Variants in ZNF623 observed in about 807,000 individuals in gnomAD.
ZNF623 encodes zinc finger protein 623.
ZNF623 carries 16 observed loss-of-function variants against 24.0 expected under a neutral mutation model. The ratio of observed to expected loss-of-function variants is 0.67; its 90% CI spans 0.45 to 1.01. The LOEUF is 1.01. Among genes scored for constraint, ZNF623 ranks in the 50% least tolerant of loss-of-function variants. The pLI is 0.00. For missense variants in ZNF623, 566 were observed against 606.5 expected, an observed-to-expected ratio of 0.93 and a Z score of 0.70; for synonymous variants, 224 against 219.8, an observed-to-expected ratio of 1.02 and a Z score of -0.17.
At chr8:143,642,607 G>T (rs1158837402) in intron 1 of ZNF623, among the ~76,000 whole-genome samples, 1 of 152,212 alleles carries the variant, frequency 6.6e-6, no homozygotes, top group African/African-American at 2.4e-5. Context: ...TAAAGTGAGA[G>T]ATGTGGGATT....
Position 143,650,165 on chromosome 8 carries a change from C to A in ZNF623, c.173C>A (p.Thr58Asn), listed in dbSNP as rs1300450378. ...ACAGGAGAGACAGCTCAAGTGTGCA[C>A]CAAGTCAGGAAGAAACCATATTCTG... ...IQTGETAQVC[T>N]KSGRNHILNS... The change falls in exon 2 of 2, where the codon ACC (threonine) becomes AAC (asparagine). Residue 58 changes from threonine (T) to asparagine (N), a missense_variant. Transcript: ENST00000526926. The surrounding 1 kb of genome is among the most constrained non-coding windows in gnomAD (Gnocchi z 5.2). 6.2e-7 allele frequency: 1 copy of A among 1,614,210 alleles called. No individual in the cohort carries two copies. Among genetic ancestry groups the A allele is most frequent in the Non-Finnish European group, 8.5e-7 (1 of 1,180,048 alleles).
intron 1 of ZNF623, among the ~76,000 whole-genome samples, chr8:143,642,902 A>G (rs750535271): frequency 6.6e-6 from 1 of 152,100 alleles, no homozygotes; most frequent in Non-Finnish European, 1.5e-5. Flanking sequence ...CCCCTAATGT[A>G]CACACCCCTT....
intron 1 of ZNF623, among the ~76,000 whole-genome samples, chr8:143,641,453 T>TG (rs1224764709): frequency 0.021 from 68 of 3,204 alleles, 15 homozygotes; most frequent in Admixed American, 0.056. Context: ...TTTTTTTTTT[T>TG]TTTTTTTTTT....
At position 143,643,345 on chromosome 8, in the gene ZNF623, G is replaced by A. The variant is rs142915513; in HGVS notation, c.-95-6553G>A. 2.8e-3 allele frequency among the ~76,000 whole-genome samples: 433 copies of A among 152,338 alleles called. 1 individual carries two copies. Among genetic ancestry groups the A allele is most frequent in the Middle Eastern group, 0.014 (4 of 294 alleles). On this transcript the variant is annotated intron_variant, in intron 1 of 1. Transcript: ENST00000526926. ...AGATCCCAGCTGGCCTGGCCTGGAT[G>A]TGTGACCTGCAGAACTGTAGGGTAA...
At chr8:143,641,248 C>A (rs1031749558) in intron 1 of ZNF623, among the ~76,000 whole-genome samples, 4 of 152,194 alleles carry the variant, frequency 2.6e-5, no homozygotes, top group African/African-American at 9.7e-5. Context: ...GCTGACTTTG[C>A]CCAGATCCAT....
chr8:143,636,984 T>C (rs1440658586), intron 1 of ZNF623, among the ~76,000 whole-genome samples: 3 of 152,176 alleles, frequency 2.0e-5, no homozygotes. Context: ...GAGCTTGTCT[T>C]CGCTGCCTCA....
chr8:143,647,892 A>G (rs1292339427), intron 1 of ZNF623, among the ~76,000 whole-genome samples: 1 of 152,216 alleles, frequency 6.6e-6, no homozygotes, highest in Non-Finnish European at 1.5e-5. Context: ...GGCGCTGGGC[A>G]TGGTTTTGAA....
intron 1 of ZNF623, among the ~76,000 whole-genome samples, chr8:143,638,825 A>T (rs1357944078): frequency 3.3e-5 from 5 of 152,190 alleles, no homozygotes; most frequent in African/African-American, 1.2e-4. Context: ...CAGCCATTTT[A>T]AAATTTAAAA....
chr8:143,637,299 C>G (rs1814947288), intron 1 of ZNF623, among the ~76,000 whole-genome samples: 1 of 152,198 alleles, frequency 6.6e-6, no homozygotes, highest in Admixed American at 6.5e-5. Flanking sequence ...CTCGGTTGCC[C>G]TCTGGTTCTG....
At position 143,636,082 on chromosome 8, in the gene ZNF623, C is replaced by T. The variant is rs910603652; in HGVS notation, c.-159C>T. 1 of 152,254 alleles carries T rather than the reference C, an allele frequency of 6.6e-6. No homozygotes were observed. The highest frequency in any genetic ancestry group is 1.5e-5 in the Non-Finnish European group (1 of 68,108). 9.4% of individuals were successfully genotyped at this position (152,254 alleles called of 1,614,324 possible). A position where few individuals can be genotyped will look rare whatever the true frequency, so the allele number is the denominator to read the frequency against. On this transcript the variant is annotated 5_prime_UTR_variant, in exon 1 of 2. Transcript: ENST00000526926. ...TGTCGGCTGATCTGTGGGGCCCGCGCCGGCGGGGTCCAGTCAGCGGCTGCA... is the reference window on the plus strand; with the variant it reads ...TGTCGGCTGATCTGTGGGGCCCGCGTCGGCGGGGTCCAGTCAGCGGCTGCA...
At position 143,650,039 on chromosome 8, in the gene ZNF623, T is replaced by A. The variant is rs1250536303; in HGVS notation, c.47T>A (p.Leu16Ter). The change falls in exon 2 of 2, where the codon TTA (leucine) becomes TAA (stop). Residue 16 changes from leucine (L) to a stop codon, truncating the protein, a stop_gained. Transcript: ENST00000526926. LOFTEE classifies it low-confidence loss of function (END_TRUNC). This position sits in a 1 kb window ranked among gnomAD's most constrained non-coding sequence, Gnocchi z 5.2. ...TCTGAGGAAGTCCACGAGCCCAGAT[T>A]AGGGGAGCTCTTGGGAAATCCAGAA... is the stretch of plus-strand genomic sequence containing the variant. ...PESEEVHEPR[L>*]GELLGNPEGQ... 1 of 1,614,040 alleles carries A rather than the reference T, an allele frequency of 6.2e-7. No individual in the cohort carries two copies. The highest frequency in any genetic ancestry group is 1.7e-5 in the Admixed American group (1 of 60,008).
chr8:143,640,554 A>G lies in ZNF623; in HGVS notation c.-96+4409A>G, dbSNP rs999333022. Among the ~76,000 whole-genome samples, 4 of 152,250 alleles carry G rather than the reference A, an allele frequency of 2.6e-5. No homozygotes were observed. The East Asian group carries it at 5.8e-4, about 22-fold the overall frequency. The stretch of plus-strand genomic sequence containing the variant: ...ATCAACTAAGTTTATGGAATCTTCA[A>G]AATCCTTTGTTGTCATTTCAACAGT... On this transcript the variant is annotated intron_variant, in intron 1 of 1. Coordinates refer to ENST00000526926, the MANE Select transcript of ZNF623 (RefSeq NM_001261843.2).
Position 143,652,450 on chromosome 8 carries a change from G to C in ZNF623, c.*967G>C, listed in dbSNP as rs1341850374. 7 of 166,828 alleles carry C rather than the reference G, an allele frequency of 4.2e-5. No individual in the cohort carries two copies. The East Asian group carries it at 1.3e-3, about 32-fold the overall frequency. 10.3% of individuals were successfully genotyped at this position (166,828 alleles called of 1,614,324 possible). A position where few individuals can be genotyped will look rare whatever the true frequency, so the allele number is the denominator to read the frequency against. On this transcript the variant is annotated 3_prime_UTR_variant, in exon 2 of 2. Transcript: ENST00000526926. Reference sequence around the variant, plus strand: ...TTCTAAAAATTTTCAGCTGTTGGCTGTTTTTTTTGTTGTTTGTTCATTTTG... The same window carrying C: ...TTCTAAAAATTTTCAGCTGTTGGCTCTTTTTTTTGTTGTTTGTTCATTTTG...
chr8:143,648,834 A>G (rs1268602147), intron 1 of ZNF623, among the ~76,000 whole-genome samples: 1 of 152,050 alleles, frequency 6.6e-6, no homozygotes, highest in East Asian at 1.9e-4. Context: ...TCTCATTGAA[A>G]CAAGAAGCAA....
At chr8:143,638,338 C>CT (rs1401435469) in intron 1 of ZNF623, among the ~76,000 whole-genome samples, 2 of 9,930 alleles carry the variant, frequency 2.0e-4, no homozygotes, top group African/African-American at 9.8e-4. Context: ...GAGATTCCGT[C>CT]TTAAAAAAAA....
chr8:143,651,296 T>G lies in ZNF623; in HGVS notation c.1304T>G (p.Leu435Arg). 6.2e-7 allele frequency: 1 copy of G among 1,614,222 alleles called. No homozygotes were observed. Among genetic ancestry groups the G allele is most frequent in the Non-Finnish European group, 8.5e-7 (1 of 1,180,044 alleles). The change falls in exon 2 of 2, where the codon CTT (leucine) becomes CGT (arginine). Residue 435 changes from leucine to arginine, a missense_variant. Physicochemically the swap from Leu to Arg is moderately radical, Grantham distance 102. Coordinates refer to ENST00000526926, the MANE Select transcript of ZNF623 (RefSeq NM_001261843.2). ...GKGFIQRSNFLQHQKIHTEEK... is the reference protein window; with the variant it reads ...GKGFIQRSNFRQHQKIHTEEK... The stretch of plus-strand genomic sequence containing the variant: ...GGCTTTATTCAGAGGTCAAACTTCC[T>G]TCAACACCAGAAAATTCATACTGAA...
At chr8:143,639,857 G>T (rs1815011370) in intron 1 of ZNF623, among the ~76,000 whole-genome samples, 1 of 152,234 alleles carries the variant, frequency 6.6e-6, no homozygotes, top group African/African-American at 2.4e-5. Flanking sequence ...GCACTGTGGG[G>T]AGGGGAGAGA....
rs114089398 is a variant in ZNF623, at chr8:143,653,154, C to G, written c.*1671C>G. On this transcript the variant is annotated 3_prime_UTR_variant, in exon 2 of 2. Transcript: ENST00000526926. Reference sequence around the variant, plus strand: ...AGATGGCTTTTTGGCTAGGACTGTTCGAAAGCAGGCGAGGTAAATGGACAG... The same window carrying G: ...AGATGGCTTTTTGGCTAGGACTGTTGGAAAGCAGGCGAGGTAAATGGACAG... 38 of 167,172 alleles carry G rather than the reference C, an allele frequency of 2.3e-4. No homozygotes were observed. Among genetic ancestry groups the G allele is most frequent in the African/African-American group, 8.7e-4 (36 of 41,548 alleles). The allele number at this position is 167,172 out of a possible 1,614,324, so 10.4% of individuals were successfully genotyped here. A position where few individuals can be genotyped will look rare whatever the true frequency, so the allele number is the denominator to read the frequency against.
Position 143,650,336 on chromosome 8 carries a change from A to C in ZNF623, c.344A>C (p.Gln115Pro). The change falls in exon 2 of 2, where the codon CAG (glutamine) becomes CCG (proline). Residue 115 changes from glutamine (Q) to proline (P), a missense_variant. Around this residue, in one of 3 missense-constraint regions of ZNF623, gnomAD observed 313 missense variants for 300.4 expected, o/e 1.04. Coordinates refer to ENST00000526926, the MANE Select transcript of ZNF623 (RefSeq NM_001261843.2). This position sits in a 1 kb window ranked among gnomAD's most constrained non-coding sequence, Gnocchi z 5.2. ...HAGEKPYTCD[Q>P]CGKGFGQSSH... ...GGGGAGAAACCTTACACGTGCGATCAGTGTGGGAAAGGCTTTGGCCAGAGC... is the reference window on the plus strand; with the variant it reads ...GGGGAGAAACCTTACACGTGCGATCCGTGTGGGAAAGGCTTTGGCCAGAGC... 6.2e-7 allele frequency: 1 copy of C among 1,614,252 alleles called. No homozygotes were observed. Among genetic ancestry groups the C allele is most frequent in the African/African-American group, 1.3e-5 (1 of 75,062 alleles).
Sources: allele counts gnomAD v4.1 joint callset (sites outside exome capture counted in the v4.1 genomes callset), GRCh38; gene constraint gnomAD v4.1.1; regional missense constraint gnomAD v4.1.1; non-coding constraint Gnocchi (gnomAD v3.1); transcripts MANE v1.5; gene names NCBI Gene and HGNC (gene_info 2026-07-23, HGNC 2026-07-21).